Variants in ZBTB7C observed in about 807,000 individuals in gnomAD.
ZBTB7C encodes zinc finger and BTB domain containing 7C.
A neutral mutation model predicts 25.7 loss-of-function variants in ZBTB7C; 8 were observed. The observed-to-expected ratio is 0.31, with a 90% confidence interval of 0.18 to 0.56. The LOEUF is 0.56. ZBTB7C is among the 20% of genes least tolerant of loss of function. The pLI, the probability that ZBTB7C is intolerant of heterozygous loss-of-function variation, is 0.91. For synonymous variants in ZBTB7C, 394 were observed against 369.0 expected (o/e 1.07, Z -0.78); for missense variants, 824 against 855.2 (o/e 0.96, Z 0.46).
chr18:48,218,018 T>G (rs1305085769), intron 2 of ZBTB7C, among the ~76,000 whole-genome samples: 2 of 152,024 alleles, frequency 1.3e-5, no homozygotes, highest in East Asian at 3.9e-4. Flanking sequence ...GCTGCCCTAT[T>G]CAGGGAGACT....
chr18:48,086,215 C>T (rs2038184167), intron 3 of ZBTB7C, among the ~76,000 whole-genome samples: 1 of 152,200 alleles, frequency 6.6e-6, no homozygotes, highest in Non-Finnish European at 1.5e-5. Flanking sequence ...TTAGACTGTG[C>T]CCCACTGTAC....
chr18:48,261,951 G>A (rs8096833), intron 2 of ZBTB7C, among the ~76,000 whole-genome samples: 26,544 of 152,220 alleles, frequency 0.17, 2,515 homozygotes, highest in Admixed American at 0.24. Flanking sequence ...ATCTGTGGGT[G>A]CAGGCAGAGC....
intron 2 of ZBTB7C, among the ~76,000 whole-genome samples, chr18:48,296,664 A>T (rs869093): frequency 0.42 from 63,258 of 151,954 alleles, 13,564 homozygotes; most frequent in East Asian, 0.62. Context: ...CCTATGACAC[A>T]CATGTCCTAT....
chr18:48,385,784 G>T (rs1198535996), intron 1 of ZBTB7C, among the ~76,000 whole-genome samples: 1 of 152,052 alleles, frequency 6.6e-6, no homozygotes, highest in African/African-American at 2.4e-5. Context: ...CATGCACAAG[G>T]CTGCCTGCTT....
At chr18:48,126,686 G>A (rs1240673108) in intron 3 of ZBTB7C, among the ~76,000 whole-genome samples, 1 of 152,166 alleles carries the variant, frequency 6.6e-6, no homozygotes. Context: ...CTGAGGAGAG[G>A]TGTGTGCTGG....
At chr18:48,318,802 C>A (rs1568373174) in intron 2 of ZBTB7C, among the ~76,000 whole-genome samples, 1 of 152,154 alleles carries the variant, frequency 6.6e-6, no homozygotes, top group South Asian at 2.1e-4. Context: ...GTGAGGCCCC[C>A]GCCGTCTTCT....
chr18:48,221,813 C>T (rs563185588), intron 2 of ZBTB7C, among the ~76,000 whole-genome samples: 1 of 150,004 alleles, frequency 6.7e-6, no homozygotes, highest in East Asian at 2.0e-4. Flanking sequence ...ACTACGCTGT[C>T]CTAGTCTCCC....
At chr18:48,062,400 C>G (rs2037161250) in intron 3 of ZBTB7C, among the ~76,000 whole-genome samples, 1 of 152,050 alleles carries the variant, frequency 6.6e-6, no homozygotes, top group African/African-American at 2.4e-5. Flanking sequence ...TCTATCACTT[C>G]TGTGCTCAAC....
intron 3 of ZBTB7C, among the ~76,000 whole-genome samples, chr18:48,178,954 G>C (rs1174979952): frequency 6.6e-6 from 1 of 152,182 alleles, no homozygotes; most frequent in Non-Finnish European, 1.5e-5. Context: ...GCAGCAGGAG[G>C]ACCCCTCCTG....
intron 1 of ZBTB7C, among the ~76,000 whole-genome samples, chr18:48,407,965 C>CCAAG (rs949414442): frequency 1.3e-5 from 2 of 152,176 alleles, no homozygotes; most frequent in African/African-American, 4.8e-5. Flanking sequence ...AAGAACAGGG[C>CCAAG]CAAGCCACCG....
At chr18:48,140,319 CTAATAT>C (rs1402648697) in intron 3 of ZBTB7C, among the ~76,000 whole-genome samples, 2 of 152,220 alleles carry the variant, frequency 1.3e-5, no homozygotes, top group Admixed American at 6.5e-5. Context: ...AAAGAGTATA[CTAATAT>C]TGACTGAGGG....
intron 3 of ZBTB7C, among the ~76,000 whole-genome samples, chr18:48,164,603 T>G (rs1201811277): frequency 6.6e-6 from 1 of 152,178 alleles, no homozygotes; most frequent in African/African-American, 2.4e-5. Flanking sequence ...ACTTGGATGA[T>G]GCATTTTCTT....
At chr18:48,167,429 C>G (rs1160749317) in intron 3 of ZBTB7C, among the ~76,000 whole-genome samples, 2 of 152,170 alleles carry the variant, frequency 1.3e-5, no homozygotes, top group Non-Finnish European at 2.9e-5. Flanking sequence ...AGCCCTGCAC[C>G]CCAACAAAGA....
In ZBTB7C at chr18:48,166,600, C is replaced by G. The variant is rs143083187; in HGVS notation, c.-17+19334G>C. The stretch of plus-strand genomic sequence containing the variant: ...CCTGGTCCCCAGCAGGTAGAAGCAC[C>G]TGGCCTGGTCCTCAGCGATACGGAC... On this transcript the variant is annotated intron_variant, in intron 3 of 4. Transcript: ENST00000590800. 2.6e-3 allele frequency among the ~76,000 whole-genome samples: 401 copies of G among 152,302 alleles called. 4 individuals are homozygous for G. Among genetic ancestry groups the G allele is most frequent in the African/African-American group, 9.2e-3 (381 of 41,556 alleles).
chr18:48,080,825 TTCCCCTGGG>T (rs1288402191), intron 3 of ZBTB7C, among the ~76,000 whole-genome samples: 2 of 152,198 alleles, frequency 1.3e-5, no homozygotes, highest in Non-Finnish European at 2.9e-5. Context: ...AGCCCCAGGT[TTCCCCTGGG>T]TCTGGCTGTC....
chr18:48,291,958 G>A (rs1398028348), intron 2 of ZBTB7C, among the ~76,000 whole-genome samples: 1 of 152,188 alleles, frequency 6.6e-6, no homozygotes, highest in Non-Finnish European at 1.5e-5. Context: ...AGCACTTTGG[G>A]AGGCTGAGGC....
At chr18:48,169,451 A>G (rs573799924) in intron 3 of ZBTB7C, among the ~76,000 whole-genome samples, 29 of 152,334 alleles carry the variant, frequency 1.9e-4, no homozygotes, top group African/African-American at 6.0e-4. Flanking sequence ...TGCCATCGTC[A>G]CTTTTGAACT....
intron 2 of ZBTB7C, among the ~76,000 whole-genome samples, chr18:48,327,910 T>C (rs918573471): frequency 1.1e-4 from 16 of 151,962 alleles, no homozygotes; most frequent in African/African-American, 3.6e-4. Flanking sequence ...AAACAGTTTT[T>C]TTAAGATATT....
chr18:48,134,090 ATTTTTT>A (rs35281038), intron 3 of ZBTB7C, among the ~76,000 whole-genome samples: 2 of 139,034 alleles, frequency 1.4e-5, no homozygotes, highest in Non-Finnish European at 3.1e-5. Context: ...CAAACCCAGG[ATTTTTT>A]TTTTTTTTTT....
Sources: allele counts gnomAD v4.1 joint callset (sites outside exome capture counted in the v4.1 genomes callset), GRCh38; gene constraint gnomAD v4.1.1; transcripts MANE v1.5; gene names NCBI Gene and HGNC (gene_info 2026-07-23, HGNC 2026-07-21).